Variants in MICAL2 observed in about 807,000 individuals in gnomAD.
MICAL2 encodes the protein [F-actin]-monooxygenase MICAL2.
In MICAL2, 77 loss-of-function variants were observed where a neutral mutation model predicts 127.3. The observed-to-expected ratio is 0.60, with a 90% CI of 0.50 to 0.73. The LOEUF is 0.73. Ranked by LOEUF, MICAL2 falls within the 30% of genes least tolerant of loss-of-function variation. The pLI, the probability that MICAL2 is intolerant of heterozygous loss-of-function variation, is 0.00. For missense variants in MICAL2, 1,351 were observed against 1,434.4 expected (o/e 0.94, Z 0.94); for synonymous variants, 570 against 551.1 (o/e 1.03, Z -0.48).
In MICAL2 at chr11:12,242,777, A is replaced by G; in HGVS notation, c.2658+5A>G. ...GGACACGGGGATTTCCCGCAGGTAA[A>G]CATGGGGCTTTCAGAGCCCCCAGGA... On this transcript the variant is annotated splice_donor_5th_base_variant and intron_variant, in intron 20 of 27. Coordinates refer to ENST00000683283, the MANE Select transcript of MICAL2 (RefSeq NM_001282663.2). 2 of 1,597,182 alleles carry G rather than the reference A, an allele frequency of 1.3e-6. No homozygotes were observed. The highest frequency in any genetic ancestry group is 1.4e-5 in the African/African-American group (1 of 73,732).
downstream of MICAL2, chr11:12,293,592 C>T (rs375248401): frequency 4.3e-6 from 7 of 1,613,520 alleles, no homozygotes; most frequent in East Asian, 2.2e-5. Context: ...TCGCAAGTCT[C>T]GAGAGGTCAT....
At chr11:12,262,601 C>T (rs929560339) in intron 27 of MICAL2, 64 bp downstream of exon 27, 85 of 1,337,792 alleles carry the variant, frequency 6.4e-5, no homozygotes, top group South Asian at 1.3e-4. Context: ...TTCCGCACCC[C>T]GTCCTCTCCG....
chr11:12,349,584 T>C (rs1264453472), intron 32 of MICAL2, among the ~76,000 whole-genome samples: 1 of 152,142 alleles, frequency 6.6e-6, no homozygotes, highest in East Asian at 1.9e-4. Flanking sequence ...GTTATCGTGG[T>C]TATGTGACCA....
At chr11:12,218,596 C>T (rs898096043) in intron 8 of MICAL2, among the ~76,000 whole-genome samples, 1 of 152,184 alleles carries the variant, frequency 6.6e-6, no homozygotes, top group Non-Finnish European at 1.5e-5. Context: ...CTCACCTCCA[C>T]GCCTTCGGAG....
At chr11:12,115,850 T>A (rs1849969916) in intron 1 of MICAL2, among the ~76,000 whole-genome samples, 1 of 152,228 alleles carries the variant, frequency 6.6e-6, no homozygotes, top group South Asian at 2.1e-4. Flanking sequence ...TACGTGTATT[T>A]GGAACGGTTA....
intron 17 of MICAL2, among the ~76,000 whole-genome samples, chr11:12,239,959 T>G (rs915217780): frequency 6.6e-6 from 1 of 152,248 alleles, no homozygotes; most frequent in Non-Finnish European, 1.5e-5. Context: ...TTCCCTAATT[T>G]GGTTTTGCTT....
At chr11:12,305,295 C>T (rs758438967) in intron 29 of MICAL2, among the ~76,000 whole-genome samples, 2 of 152,070 alleles carry the variant, frequency 1.3e-5, no homozygotes, top group African/African-American at 4.8e-5. Flanking sequence ...AGAAGCAAAG[C>T]GGGAAGACCC....
At chr11:12,287,056 C>G (rs1863835079) in intron 2 of MICAL2, 2 of 398,908 alleles carry the variant, frequency 5.0e-6, no homozygotes, top group Non-Finnish European at 8.8e-6. Context: ...TCCTCCCACC[C>G]CATCTTCCCT....
At chr11:12,247,079 G>A (rs1860857164) in intron 21 of MICAL2, among the ~76,000 whole-genome samples, 1 of 152,172 alleles carries the variant, frequency 6.6e-6, no homozygotes, top group Admixed American at 6.5e-5. Flanking sequence ...AGAGTCACAG[G>A]TAAGAAGGCA....
chr11:12,126,432 A>G (rs1226555488), intron 1 of MICAL2, among the ~76,000 whole-genome samples: 1 of 152,224 alleles, frequency 6.6e-6, no homozygotes, highest in Admixed American at 6.5e-5. Flanking sequence ...CTTTGAAAAC[A>G]TAGGCCCATG....
At chr11:12,230,760 G>A (rs1198200751) in intron 15 of MICAL2, among the ~76,000 whole-genome samples, 1 of 151,130 alleles carries the variant, frequency 6.6e-6, no homozygotes, top group African/African-American at 2.5e-5. Context: ...CAAGCAAGAT[G>A]TATCAACTTC....
chr11:12,262,284 T>C, intron 26 of MICAL2, 196 bp from the exon 27 acceptor site: 5 of 1,430,240 alleles, frequency 3.5e-6, no homozygotes, highest in Non-Finnish European at 4.6e-6. Flanking sequence ...CGTAAACAAG[T>C]AGCTGGTCAC....
chr11:12,224,208 T>C (rs897948192), intron 12 of MICAL2, among the ~76,000 whole-genome samples: 3 of 152,194 alleles, frequency 2.0e-5, no homozygotes, highest in Non-Finnish European at 4.4e-5. Flanking sequence ...ACTTCTTCCG[T>C]CTGATAAGTT....
Position 12,226,355 on chromosome 11 carries a change from C to G in MICAL2, c.1873C>G (p.Pro625Ala), listed in dbSNP as rs1857446854. 6.2e-7 allele frequency: 1 copy of G among 1,613,954 alleles called. No individual in the cohort carries two copies. The highest frequency in any genetic ancestry group is 1.3e-5 in the African/African-American group (1 of 74,928). The change falls in exon 14 of 28, where the codon CCA becomes GCA. Residue 625 changes from proline (P) to alanine (A), a missense_variant. Coordinates refer to ENST00000683283, the MANE Select transcript of MICAL2 (RefSeq NM_001282663.2). ...GTTCTACGAGCTCTTCCGGGGCACCCCACTGAGGCCCGTGGGTAAGCACCT... is the reference window on the plus strand; with the variant it reads ...GTTCTACGAGCTCTTCCGGGGCACCGCACTGAGGCCCGTGGGTAAGCACCT... ...SKFYELFRGT[P>A]LRPVDSWRKN...
chr11:12,194,840 G>A (rs919917641), intron 3 of MICAL2, among the ~76,000 whole-genome samples: 3 of 152,172 alleles, frequency 2.0e-5, no homozygotes, highest in Non-Finnish European at 4.4e-5. Flanking sequence ...GGAGAAAACC[G>A]AGGCTATAAA....
intron 3 of MICAL2, among the ~76,000 whole-genome samples, chr11:12,203,133 C>T (rs1408421438): frequency 3.3e-5 from 5 of 152,102 alleles, no homozygotes; most frequent in East Asian, 3.8e-4. Flanking sequence ...TTCCATTGTG[C>T]GGATATACCA....
chr11:12,281,953 G>A (rs1032492413), intron 2 of MICAL2, among the ~76,000 whole-genome samples: 2 of 152,184 alleles, frequency 1.3e-5, no homozygotes, highest in Non-Finnish European at 2.9e-5. Flanking sequence ...CTAACCTGAC[G>A]GAAACTTGCT....
At chr11:12,360,169 G>T (rs1448106712), downstream of MICAL2, among the ~76,000 whole-genome samples, 4 of 97,976 alleles carry the variant, frequency 4.1e-5, no homozygotes, top group Non-Finnish European at 7.5e-5. Context: ...CTATTATTAG[G>T]CAATATGAGG....
chr11:12,298,107 T>C (rs1423385102), intron 29 of MICAL2, among the ~76,000 whole-genome samples: 3 of 152,002 alleles, frequency 2.0e-5, no homozygotes, highest in Non-Finnish European at 4.4e-5. Flanking sequence ...AATTTATAAG[T>C]AACTTGGCAA....
Sources: allele counts gnomAD v4.1 joint callset (sites outside exome capture counted in the v4.1 genomes callset), GRCh38; gene constraint gnomAD v4.1.1; transcripts MANE v1.5; gene names NCBI Gene and HGNC (gene_info 2026-07-23, HGNC 2026-07-21).